The following ATP2B1 variants were observed in gnomAD, a reference collection of about 807,000 sequenced individuals.
The protein encoded by ATP2B1 is ATPase plasma membrane Ca2+ transporting 1, also known as plasma membrane calcium-transporting ATPase 1.
A neutral mutation model predicts 124.2 loss-of-function variants in ATP2B1; 14 were observed. That is an observed-to-expected ratio of 0.11 (90% CI 0.07 to 0.18). The LOEUF (loss-of-function observed/expected upper bound fraction) is 0.18, where lower values mean the gene tolerates loss of function less well. Among genes scored for constraint, ATP2B1 ranks in the 10% least tolerant of loss-of-function variants. ATP2B1 has a pLI of 1.00. For missense variants in ATP2B1, 763 were observed against 1,466.1 expected (o/e 0.52, Z 7.83); for synonymous variants, 449 against 492.4 (o/e 0.91, Z 1.17).
intron 1 of ATP2B1, among the ~76,000 whole-genome samples, chr12:89,700,012 ATTTTTTTT>A (rs34709694): frequency 1.5e-5 from 2 of 133,250 alleles, no homozygotes; most frequent in Admixed American, 7.6e-5. Context: ...GCCTGGCTAA[ATTTTTTTT>A]TTTTTTTTTT....
intron 3 of ATP2B1, among the ~76,000 whole-genome samples, chr12:89,638,405 G>A (rs183612697): frequency 1.3e-4 from 20 of 152,222 alleles, no homozygotes; most frequent in Admixed American, 1.1e-3. Flanking sequence ...AAGTGCTGTC[G>A]TGAAACCTGA....
chr12:89,702,019 A>G (rs7313204), intron 1 of ATP2B1, among the ~76,000 whole-genome samples: 137,399 of 152,174 alleles, frequency 0.9, 62,786 homozygotes, highest in East Asian at 1. Flanking sequence ...TGTGAACAGC[A>G]TCCCCTGGAG....
At position 89,604,326 on chromosome 12, in the gene ATP2B1, T is replaced by C. The variant is rs1436296418; in HGVS notation, c.2463A>G (p.Val821=). The change falls in exon 16 of 21, where the codon GTA becomes GTG. Residue 821 remains valine, a synonymous_variant. Coordinates refer to ENST00000428670, the MANE Select transcript of ATP2B1 (RefSeq NM_001366521.1). The part of the protein sequence containing the change: ...GFAMGIAGTD[V]AKEASDIILT... ...GAATAATATCGGATGCTTCTTTAGC[T>C]ACATCAGTTCCAGCAATACCCTGTT... The C allele has an allele frequency of 5.0e-6, 8 of 1,608,788 alleles. No individual in the cohort carries two copies. Among genetic ancestry groups the C allele is most frequent in the Non-Finnish European group, 5.1e-6 (6 of 1,178,510 alleles).
chr12:89,609,163 G>T (rs1037425048), intron 15 of ATP2B1, among the ~76,000 whole-genome samples: 1 of 152,162 alleles, frequency 6.6e-6, no homozygotes, highest in African/African-American at 2.4e-5. Context: ...GTCTCTCATA[G>T]TTTGGAAAGA....
At chr12:89,598,404 C>T (rs746541647) in intron 20 of ATP2B1, among the ~76,000 whole-genome samples, 5 of 152,194 alleles carry the variant, frequency 3.3e-5, no homozygotes, top group Non-Finnish European at 4.4e-5. Flanking sequence ...ATTGTTCCAC[C>T]TGTTATCTAG....
intron 8 of ATP2B1, among the ~76,000 whole-genome samples, chr12:89,625,827 C>A (rs1050347191): frequency 6.6e-6 from 1 of 152,104 alleles, no homozygotes; most frequent in Non-Finnish European, 1.5e-5. Context: ...CTTTTTCCAT[C>A]ATACTCCTAG....
intron 1 of ATP2B1, among the ~76,000 whole-genome samples, chr12:89,687,844 T>C (rs1240951071): frequency 1.3e-5 from 2 of 152,032 alleles, no homozygotes; most frequent in Non-Finnish European, 2.9e-5. Context: ...TCAGGAACCA[T>C]TAAAACATAT....
At chr12:89,694,982 A>G (rs1890963647) in intron 1 of ATP2B1, among the ~76,000 whole-genome samples, 1 of 150,262 alleles carries the variant, frequency 6.7e-6, no homozygotes, top group South Asian at 2.1e-4. Context: ...ACCTAAGCCC[A>G]GAGAGATCGA....
chr12:89,646,095 T>C (rs12425706), intron 2 of ATP2B1, among the ~76,000 whole-genome samples: 14,598 of 152,020 alleles, frequency 0.096, 913 homozygotes, highest in African/African-American at 0.17. Flanking sequence ...GTTTTTGTTT[T>C]TTTTTGCGAG....
Position 89,611,220 on chromosome 12 carries a change from G to T in ATP2B1, c.2220C>A (p.Asn740Lys). Residue 740 changes from asparagine (N) to lysine (K), a missense_variant, in exon 13 of 21, where the codon AAC (asparagine) becomes AAA (lysine). By Grantham distance (94) the Asn-to-Lys change is moderately conservative (BLOSUM62 0). Around this residue, in one of 7 missense-constraint regions of ATP2B1, gnomAD observed 392 missense variants for 776.6 expected, o/e 0.50. Transcript: ENST00000428670. ...DFLCLEGKDFNRRIRNEKGEI... is the reference protein window; with the variant it reads ...DFLCLEGKDFKRRIRNEKGEI... ...CTCCTTTTTCATTTCGTATTCTTCT[G>T]TTAAAATCTTTACCTTCTAGGCACA... 1 of 1,593,070 alleles carries T rather than the reference G, an allele frequency of 6.3e-7. No homozygotes were observed. Among genetic ancestry groups the T allele is most frequent in the Non-Finnish European group, 8.5e-7 (1 of 1,174,358 alleles).
intron 10 of ATP2B1, 117 bp from the exon 11 acceptor site, chr12:89,620,357 A>T: frequency 7.9e-7 from 1 of 1,263,724 alleles, no homozygotes. Flanking sequence ...GTCTAATATC[A>T]ACATTTTAAA....
chr12:89,651,274 C>T (rs1003610154), intron 2 of ATP2B1, among the ~76,000 whole-genome samples: 2 of 152,240 alleles, frequency 1.3e-5, no homozygotes, highest in East Asian at 3.9e-4. Context: ...TTGAATAGGG[C>T]ACTCTTTTTG....
intron 15 of ATP2B1, among the ~76,000 whole-genome samples, chr12:89,606,984 C>G (rs1356819): frequency 2.0e-5 from 3 of 152,094 alleles, no homozygotes; most frequent in African/African-American, 7.3e-5. Context: ...AAATCCTTAA[C>G]ATTTCTAAAA....
At chr12:89,670,420 T>A (rs1887810415) in intron 1 of ATP2B1, among the ~76,000 whole-genome samples, 1 of 151,884 alleles carries the variant, frequency 6.6e-6, no homozygotes, top group South Asian at 2.1e-4. Context: ...GTAGTTGTTG[T>A]TGTTTTGGTT....
At chr12:89,612,941 T>A (rs1878294210) in intron 12 of ATP2B1, among the ~76,000 whole-genome samples, 1 of 152,152 alleles carries the variant, frequency 6.6e-6, no homozygotes, top group Non-Finnish European at 1.5e-5. Flanking sequence ...ATCTTTGGGA[T>A]AATAGCAAGG....
Position 89,694,265 on chromosome 12 carries a change from CCT to C in ATP2B1, c.-222+14329_-222+14330del, listed in dbSNP as rs1287794308. 2.6e-5 allele frequency among the ~76,000 whole-genome samples: 4 copies of C among 152,240 alleles called. No individual in the cohort carries two copies. The East Asian group carries it at 5.8e-4, about 22-fold the overall frequency. The stretch of plus-strand genomic sequence containing the variant: ...TACATAATCTGTCCTATTCTCTCTC[CCT>C]CTCATATCCCACTTACAGCTGTCAC... On this transcript the variant is annotated intron_variant, in intron 1 of 20. Coordinates refer to ENST00000428670, the MANE Select transcript of ATP2B1 (RefSeq NM_001366521.1).
intron 1 of ATP2B1, among the ~76,000 whole-genome samples, chr12:89,665,625 T>C (rs1443968069): frequency 1.3e-5 from 2 of 152,218 alleles, no homozygotes; most frequent in Non-Finnish European, 2.9e-5. Flanking sequence ...GAGAACCAAA[T>C]GTTCTATCAT....
intron 1 of ATP2B1, 133 bp downstream of exon 1, chr12:89,708,463 C>G (rs1478036059): frequency 6.6e-6 from 1 of 152,264 alleles, no homozygotes. Context: ...CTCCCGAATC[C>G]GGCGCAACCC....
rs778061415 is a variant in ATP2B1, at chr12:89,655,795, A to G, written c.92T>C (p.Leu31Pro). 2.5e-6 allele frequency: 4 copies of G among 1,614,198 alleles called. 1 individual carries two copies. In the South Asian group the frequency reaches 4.4e-5, roughly 18 times the overall value. ...ANHDGDFGITLAELRALMELR... is the reference protein window; with the variant it reads ...ANHDGDFGITPAELRALMELR... ...CTCCATGAGAGCCCGCAGCTCTGCGAGCGTAATTCCAAAGTCTCCATCATG... is the reference window on the plus strand; with the variant it reads ...CTCCATGAGAGCCCGCAGCTCTGCGGGCGTAATTCCAAAGTCTCCATCATG... The change falls in exon 2 of 21, where the codon CTC becomes CCC. Residue 31 changes from leucine to proline, a missense_variant. Transcript: ENST00000428670.
Sources: allele counts gnomAD v4.1 joint callset (sites outside exome capture counted in the v4.1 genomes callset), GRCh38; gene constraint gnomAD v4.1.1; regional missense constraint gnomAD v4.1.1; transcripts MANE v1.5; gene names NCBI Gene and HGNC (gene_info 2026-07-23, HGNC 2026-07-21).